Variants in MAGEB1 observed in about 807,000 individuals in gnomAD.
MAGEB1 encodes melanoma-associated antigen B1.
For synonymous variants in MAGEB1, 99 were observed against 105.7 expected, an observed-to-expected ratio of 0.94 and a Z score of 0.39; for missense variants, 290 against 286.7, an observed-to-expected ratio of 1.01 and a Z score of -0.08.
rs1008982846 is a variant in MAGEB1 at position 30,251,529 on chromosome X, C to A, written c.1036C>A (p.Pro346Thr). Residue 346 changes from proline to threonine, a missense_variant, in exon 2 of 2, where the codon CCC becomes ACC. Coordinates refer to ENST00000397548, the MANE Select transcript of MAGEB1 (RefSeq NM_177404.3). ...SRAPFSRSSHPM is the reference protein window; with the variant it reads ...SRAPFSRSSHTM ...AGCCCCATTCAGCAGGTCCTCCCACCCCATGTGAGAACTCAGGCAGATTGT... is the reference window on the plus strand; with the variant it reads ...AGCCCCATTCAGCAGGTCCTCCCACACCATGTGAGAACTCAGGCAGATTGT... 1 of 1,198,065 alleles carries A rather than the reference C, an allele frequency of 8.3e-7. No homozygotes were observed. Among genetic ancestry groups the A allele is most frequent in the African/African-American group, 1.8e-5 (1 of 56,913 alleles).
chrX:30,244,364 G>C (rs867308660), upstream of MAGEB1, among the ~76,000 whole-genome samples: 1 of 111,836 alleles, frequency 8.9e-6, no homozygotes, highest in Non-Finnish European at 1.9e-5. Context: ...TTGAGCAGCT[G>C]TACTTTGGAG....
intron 1 of MAGEB1, among the ~76,000 whole-genome samples, chrX:30,248,907 C>T (rs192709987): frequency 2.3e-4 from 26 of 111,611 alleles, no homozygotes; most frequent in Non-Finnish European, 4.7e-4. Context: ...TTCACTTCTT[C>T]CTCAGGGAGT....
chrX:30,246,793 T>G (rs1467973306), upstream of MAGEB1, among the ~76,000 whole-genome samples: 2 of 111,508 alleles, frequency 1.8e-5, no homozygotes, highest in African/African-American at 6.5e-5. Context: ...GTAGCTTCAG[T>G]TCTGCCTGGA....
At position 30,251,411 on chromosome X, in the gene MAGEB1, G is replaced by T. The variant is rs1925521621; in HGVS notation, c.918G>T (p.Glu306Asp). 2 of 1,211,589 alleles carry T rather than the reference G, an allele frequency of 1.7e-6. No individual in the cohort carries two copies. Among genetic ancestry groups the T allele is most frequent in the East Asian group, 5.9e-5 (2 of 33,829 alleles). ...GTGACTTCCCATCCCATTATGAAGA[G>T]GCTTTGAGAGATGAGGAAGAGAGAG... is the stretch of plus-strand genomic sequence containing the variant. ...TPRDFPSHYEEALRDEEERAQ... is the reference protein window; with the variant it reads ...TPRDFPSHYEDALRDEEERAQ... The change falls in exon 2 of 2, where the codon GAG becomes GAT. Residue 306 changes from glutamate to aspartate, a missense_variant. Physicochemically the swap from Glu to Asp is conservative, Grantham distance 45 (BLOSUM62 2). Coordinates refer to ENST00000397548, the MANE Select transcript of MAGEB1 (RefSeq NM_177404.3).
chrX:30,250,671 A>C lies in MAGEB1; in HGVS notation c.178A>C (p.Lys60Gln). ...CTCCCCTGCTGCTGGCATTCCCCAG[A>C]AGCCTCAGGGAGCTCCACCCACCAC... ...TSSPAAGIPQKPQGAPPTTTA... is the reference protein window; with the variant it reads ...TSSPAAGIPQQPQGAPPTTTA... Residue 60 changes from lysine to glutamine, a missense_variant, in exon 2 of 2, where the codon AAG becomes CAG. By Grantham distance (53) the Lys-to-Gln change is moderately conservative (BLOSUM62 1). Transcript: ENST00000397548. 8.3e-7 allele frequency: 1 copy of C among 1,211,344 alleles called. No homozygotes were observed. Among genetic ancestry groups the C allele is most frequent in the Non-Finnish European group, 1.1e-6 (1 of 895,279 alleles).
Position 30,251,115 on chromosome X carries a change from ATCT to A in MAGEB1, c.627_629del (p.Phe209del), listed in dbSNP as rs1241020281. The A allele has an allele frequency of 1.7e-6, 2 of 1,209,167 alleles. No individual in the cohort carries two copies. The highest frequency in any genetic ancestry group is 4.4e-5 in the Admixed American group (2 of 45,787). ...GCTTCTGATGCCTCTCCTGGGTGTG[ATCT>A]TCTTAAAGGGCAACTCTGCCACCGA... On this transcript the variant is annotated inframe_deletion, in exon 2 of 2. Coordinates refer to ENST00000397548, the MANE Select transcript of MAGEB1 (RefSeq NM_177404.3).
chrX:30,249,353 A>G (rs980917807), intron 1 of MAGEB1, among the ~76,000 whole-genome samples: 2 of 111,725 alleles, frequency 1.8e-5, no homozygotes, highest in African/African-American at 6.5e-5. Flanking sequence ...CAGGCCTCAT[A>G]GAGAGGACTT....
rs1439376185 is a variant in MAGEB1, at chrX:30,250,772, C to G, written c.279C>G (p.Phe93Leu). ...GCCAAGGTGAGGAAAATGCAAGTTT[C>G]TCCCAGGCCACAACATCCACTGAGA... Reference protein sequence around the residue: ...AKCQGEENASFSQATTSTESS... With the variant: ...AKCQGEENASLSQATTSTESS... The change falls in exon 2 of 2, where the codon TTC (phenylalanine) becomes TTG (leucine). Residue 93 changes from phenylalanine to leucine, a missense_variant. Physicochemically the swap from Phe to Leu is conservative, Grantham distance 22. Coordinates refer to ENST00000397548, the MANE Select transcript of MAGEB1 (RefSeq NM_177404.3). The G allele has an allele frequency of 1.7e-6, 2 of 1,210,243 alleles. No individual in the cohort carries two copies. Among genetic ancestry groups the G allele is most frequent in the Non-Finnish European group, 2.2e-6 (2 of 895,102 alleles).
intron 1 of MAGEB1, among the ~76,000 whole-genome samples, chrX:30,248,311 G>T (rs948290180): frequency 1.8e-5 from 2 of 112,126 alleles, no homozygotes; most frequent in African/African-American, 6.5e-5. Flanking sequence ...CCCCAGTTCA[G>T]TAGAGAGATA....
Position 30,250,951 on chromosome X carries a change from C to T in MAGEB1, c.458C>T (p.Ala153Val), listed in dbSNP as rs752315374. 3 of 1,210,691 alleles carry T rather than the reference C, an allele frequency of 2.5e-6. No individual in the cohort carries two copies. The highest frequency in any genetic ancestry group is 1.8e-5 in the South Asian group (1 of 56,853). The change falls in exon 2 of 2, where the codon GCC becomes GTC. Residue 153 changes from alanine (A) to valine (V), a missense_variant. By Grantham distance (64) the Ala-to-Val change is moderately conservative. Coordinates refer to ENST00000397548, the MANE Select transcript of MAGEB1 (RefSeq NM_177404.3). ...CACTTCACTGAGATCCTCAATGGAG[C>T]CTCTCGCCGCTTGGAGCTCGTCTTT... ...KDHFTEILNG[A>V]SRRLELVFGL...
In MAGEB1 at chrX:30,251,490, A is replaced by G. The variant is rs750949265; in HGVS notation, c.997A>G (p.Arg333Gly). ...GCGTCGCACTACTGCCACGACTTTT[A>G]GAGCGCGTTCTAGAGCCCCATTCAG... ...ARRRTTATTF[R>G]ARSRAPFSRS... The change falls in exon 2 of 2, where the codon AGA (arginine) becomes GGA (glycine). Residue 333 changes from arginine to glycine, a missense_variant. By Grantham distance (125) the Arg-to-Gly change is moderately radical. Transcript: ENST00000397548. 18 of 1,210,215 alleles carry G rather than the reference A, an allele frequency of 1.5e-5. No individual in the cohort carries two copies. In the Admixed American group the frequency reaches 3.3e-4, roughly 22 times the overall value.
chrX:30,244,702 G>A (rs944253295), upstream of MAGEB1, among the ~76,000 whole-genome samples: 2 of 111,802 alleles, frequency 1.8e-5, no homozygotes, highest in Non-Finnish European at 3.8e-5. Context: ...TCAGATGGTG[G>A]ATCTCACACT....
In MAGEB1 at chrX:30,251,470, G is replaced by C. The variant is rs1241858634; in HGVS notation, c.977G>C (p.Arg326Pro). 8.3e-7 allele frequency: 1 copy of C among 1,210,013 alleles called. No individual in the cohort carries two copies. The highest frequency in any genetic ancestry group is 1.1e-6 in the Non-Finnish European group (1 of 895,216). The stretch of plus-strand genomic sequence containing the variant: ...CGATCCAGTGTTAGAGCCAGGCGTC[G>C]CACTACTGCCACGACTTTTAGAGCG... Reference protein sequence around the residue: ...QVRSSVRARRRTTATTFRARS... With the variant: ...QVRSSVRARRPTTATTFRARS... The change falls in exon 2 of 2, where the codon CGC (arginine) becomes CCC (proline). Residue 326 changes from arginine to proline, a missense_variant. Physicochemically the swap from Arg to Pro is moderately radical, Grantham distance 103. Coordinates refer to ENST00000397548, the MANE Select transcript of MAGEB1 (RefSeq NM_177404.3).
chrX:30,246,938 A>C (rs1373021135), upstream of MAGEB1, among the ~76,000 whole-genome samples: 1 of 112,598 alleles, frequency 8.9e-6, no homozygotes, highest in Non-Finnish European at 1.9e-5. Context: ...TGGCACGCTC[A>C]GATTTCCACC....
At chrX:30,249,422 A>G (rs759274990) in intron 1 of MAGEB1, among the ~76,000 whole-genome samples, 1 of 111,424 alleles carries the variant, frequency 9.0e-6, no homozygotes, top group Admixed American at 9.5e-5. Context: ...TGTCAGCGCT[A>G]GGAAGCCCCG....
In MAGEB1 at chrX:30,251,013, A is replaced by G; in HGVS notation, c.520A>G (p.Thr174Ala). 8.3e-7 allele frequency: 1 copy of G among 1,211,641 alleles called. No homozygotes were observed. The highest frequency in any genetic ancestry group is 1.8e-5 in the South Asian group (1 of 56,834). ...DLKEDNPSGH[T>A]YTLVSKLNLT... ...GAAGGAAGACAACCCTAGTGGCCAC[A>G]CCTACACCCTCGTCAGTAAGCTAAA... The change falls in exon 2 of 2, where the codon ACC (threonine) becomes GCC (alanine). Residue 174 changes from threonine (T) to alanine (A), a missense_variant. Coordinates refer to ENST00000397548, the MANE Select transcript of MAGEB1 (RefSeq NM_177404.3).
rs1337308654 is a variant in MAGEB1 at position 30,247,170 on chromosome X, A to G, written c.-147A>G. 8 of 102,323 alleles carry G rather than the reference A, an allele frequency of 7.8e-5. No homozygotes were observed. The highest frequency in any genetic ancestry group is 3.0e-4 in the African/African-American group (8 of 26,627). The allele number at this position is 102,323 out of a possible 1,213,427, so 8.4% of individuals were successfully genotyped here. On this transcript the variant is annotated 5_prime_UTR_variant, in exon 1 of 2. Transcript: ENST00000397548. Reference sequence around the variant, plus strand: ...CATCCTGACTTCCGCTTTGAAGGCGAGGACCCCAGCGAGCGTAAGGGCGCA... The same window carrying G: ...CATCCTGACTTCCGCTTTGAAGGCGGGGACCCCAGCGAGCGTAAGGGCGCA...
upstream of MAGEB1, among the ~76,000 whole-genome samples, chrX:30,245,640 G>A (rs1269084402): frequency 8.9e-6 from 1 of 111,998 alleles, no homozygotes; most frequent in Non-Finnish European, 1.9e-5. Context: ...GAAAGAAGAG[G>A]TCTCTGTACC....
At chrX:30,246,888 T>A (rs1215665635), upstream of MAGEB1, among the ~76,000 whole-genome samples, 1 of 112,250 alleles carries the variant, frequency 8.9e-6, no homozygotes, top group Non-Finnish European at 1.9e-5. Context: ...GCCCTGCCGC[T>A]GCTGTCAGGC....
Sources: gnomAD v4.1 joint callset for allele counts (sites outside exome capture counted in the v4.1 genomes callset) on GRCh38, gnomAD v4.1.1 for gene constraint, MANE v1.5 for transcripts, NCBI Gene and HGNC (gene_info 2026-07-23, HGNC 2026-07-21) for gene names.